Variants in MROH1 observed in about 807,000 individuals in gnomAD.
MROH1 encodes maestro heat-like repeat-containing protein family member 1.
MROH1 carries 117 observed loss-of-function variants against 116.5 expected under a neutral mutation model. That is an observed-to-expected ratio of 1.00 (90% CI 0.86 to 1.17). MROH1 has a LOEUF of 1.17. Ranked by LOEUF, MROH1 falls within the 50% of genes most tolerant of loss-of-function variation. MROH1 has a pLI of 0.00. For missense variants in MROH1, 1,873 were observed against 1,338.5 expected, an observed-to-expected ratio of 1.40 and a Z score of -6.23; for synonymous variants, 921 against 583.9, an observed-to-expected ratio of 1.58 and a Z score of -8.32.
Position 144,192,338 on chromosome 8 carries a change from G to T in MROH1, c.885G>T (p.Val295=). The T allele has an allele frequency of 6.3e-7, 1 of 1,599,224 alleles. No homozygotes were observed. The change falls in exon 10 of 44, where the codon GTG becomes GTT. Residue 295 remains valine, a synonymous_variant. Transcript: ENST00000326134. ...TGGGCCAGATCCTCGAGGCAGCTGT[G>T]AGTGTGGGCAGCCGCACACTGGAGA... ...KSLGQILEAA[V]SVGSRTLETQ...
At chr8:144,207,564 T>G (rs7460977) in intron 12 of MROH1, among the ~76,000 whole-genome samples, 150,602 of 152,286 alleles carry the variant, frequency 0.99, 74,486 homozygotes, top group East Asian at 1. Context: ...AGAGTGCAGT[T>G]CTGTGATCAT....
Position 144,241,879 on chromosome 8 carries a change from GCC to G in MROH1, c.2178+365_2178+366del, listed in dbSNP as rs1419671596. ...TAAGCCTGGTTTAAGGAAGGAGTGG[GCC>G]CCTGCTGCAGGCCCCCAACCCGGCT... On this transcript the variant is annotated intron_variant, in intron 22 of 43. Transcript: ENST00000326134. Among the ~76,000 whole-genome samples, 50 of 152,224 alleles carry G rather than the reference GCC, an allele frequency of 3.3e-4. 2 individuals are homozygous for G. Among genetic ancestry groups the G allele is most frequent in the Admixed American group, 3.1e-3 (47 of 15,286 alleles).
intron 22 of MROH1, chr8:144,242,159 G>C (rs1175361575): frequency 1.5e-6 from 1 of 645,418 alleles, no homozygotes; most frequent in Non-Finnish European, 2.8e-6. Flanking sequence ...GCCCATGCCT[G>C]GCTGGCTGCC....
chr8:144,241,178 C>A, intron 21 of MROH1, 67 bp downstream of exon 21: 1 of 714,298 alleles, frequency 1.4e-6, no homozygotes, highest in Non-Finnish European at 2.6e-6. Context: ...ACCTGCTGTT[C>A]TCTGAGGCAG....
At position 144,259,935 on chromosome 8, in the gene MROH1, G is replaced by A. The variant is rs1844684952; in HGVS notation, c.4069G>A (p.Asp1357Asn). ...AELLNSNVANDLMLLDSLLES... is the reference protein window; with the variant it reads ...AELLNSNVANNLMLLDSLLES... ...GCTGCTGAACAGCAACGTGGCCAACGACCTCATGCTCTTGGACTCGCTGCT... is the reference window on the plus strand; with the variant it reads ...GCTGCTGAACAGCAACGTGGCCAACAACCTCATGCTCTTGGACTCGCTGCT... Residue 1357 changes from aspartate (D) to asparagine (N), a missense_variant, in exon 38 of 44, where the codon GAC (aspartate) becomes AAC (asparagine). Coordinates refer to ENST00000326134, the MANE Select transcript of MROH1 (RefSeq NM_032450.3). The A allele has an allele frequency of 6.7e-6, 5 of 742,838 alleles. No individual in the cohort carries two copies. The highest frequency in any genetic ancestry group is 4.3e-5 in the South Asian group (3 of 69,670). 46.0% of individuals were successfully genotyped at this position (742,838 alleles called of 1,614,324 possible).
chr8:144,188,843 T>C (rs567348845), intron 7 of MROH1, among the ~76,000 whole-genome samples: 35 of 151,662 alleles, frequency 2.3e-4, no homozygotes, highest in African/African-American at 7.7e-4. Context: ...ACCTGGGGAG[T>C]GGGAGAGCCA....
In MROH1 at chr8:144,255,697, A is replaced by G; in HGVS notation, c.3783A>G (p.Glu1261=). 1 of 757,598 alleles carries G rather than the reference A, an allele frequency of 1.3e-6. No individual in the cohort carries two copies. The allele number at this position is 757,598 out of a possible 1,614,324, so 46.9% of individuals were successfully genotyped here. A position where few individuals can be genotyped will look rare whatever the true frequency, so the allele number is the denominator to read the frequency against. Residue 1261 remains glutamate, a synonymous_variant, in exon 35 of 44, where the codon GAA becomes GAG. Coordinates refer to ENST00000326134, the MANE Select transcript of MROH1 (RefSeq NM_032450.3). Reference sequence around the variant, plus strand: ...CAGCCCTAGCCACCAGGAACCTGGAACCCTGCAGGTATCTGGGTCCCCACT... The same window carrying G: ...CAGCCCTAGCCACCAGGAACCTGGAGCCCTGCAGGTATCTGGGTCCCCACT... The part of the protein sequence containing the change: ...ASPALATRNL[E]PCSSAVDTLR...
chr8:144,200,848 TG>T (rs1442847363), intron 12 of MROH1: 1 of 352,694 alleles, frequency 2.8e-6, no homozygotes, highest in Non-Finnish European at 5.4e-6. Flanking sequence ...CAGCCATCCC[TG>T]AGCCCACTGC....
chr8:144,220,517 A>C (rs1836483020), intron 12 of MROH1, 83 bp from the exon 13 acceptor site: 1 of 1,263,410 alleles, frequency 7.9e-7, no homozygotes, highest in Admixed American at 2.2e-5. Flanking sequence ...GACCACGGGG[A>C]AGCCAGGCCC....
rs1842627951 is a variant in MROH1 at position 144,250,209 on chromosome 8, C to T, written c.3274-3C>T. 4 of 766,304 alleles carry T rather than the reference C, an allele frequency of 5.2e-6. No individual in the cohort carries two copies. Among genetic ancestry groups the T allele is most frequent in the South Asian group, 4.1e-5 (3 of 73,696 alleles). The allele number at this position is 766,304 out of a possible 1,614,324, so 47.5% of individuals were successfully genotyped here. On this transcript the variant is annotated splice_polypyrimidine_tract_variant and splice_region_variant and intron_variant, in intron 32 of 43. Transcript: ENST00000326134. Reference sequence around the variant, plus strand: ...CTGACCACCGTGTCCCGCCCATCTACAGGTGCCCGAGATCGTGAGCGTCCT... The same window carrying T: ...CTGACCACCGTGTCCCGCCCATCTATAGGTGCCCGAGATCGTGAGCGTCCT...
At chr8:144,179,686 G>T in intron 5 of MROH1, 100 bp downstream of exon 5, 4 of 1,452,806 alleles carry the variant, frequency 2.8e-6, no homozygotes, top group Non-Finnish European at 2.8e-6. Context: ...GTATAGGGTG[G>T]TGTTTGGCTG....
At chr8:144,189,415 C>T (rs577661415) in intron 7 of MROH1, among the ~76,000 whole-genome samples, 32 of 152,332 alleles carry the variant, frequency 2.1e-4, no homozygotes, top group Admixed American at 1.3e-4. Flanking sequence ...CCCCTTCACC[C>T]GGGGCCCAGC....
chr8:144,167,313 G>C (rs1201195166), intron 3 of MROH1, among the ~76,000 whole-genome samples: 1 of 145,058 alleles, frequency 6.9e-6, no homozygotes, highest in South Asian at 2.3e-4. Flanking sequence ...CGGTTGTTGG[G>C]TAGAGTGGCC....
rs753335070 is a variant in MROH1, at chr8:144,168,456, G to C, written c.168+16G>C. ...GCATGACAAGGTATGTGTGCTCCTTGGTGGGGATGATGTTGTCAGGGCCAT... is the reference window on the plus strand; with the variant it reads ...GCATGACAAGGTATGTGTGCTCCTTCGTGGGGATGATGTTGTCAGGGCCAT... On this transcript the variant is annotated intron_variant, in intron 4 of 43. Coordinates refer to ENST00000326134, the MANE Select transcript of MROH1 (RefSeq NM_032450.3). 6.3e-6 allele frequency: 10 copies of C among 1,591,356 alleles called. No homozygotes were observed. In the Admixed American group the frequency reaches 1.7e-4, roughly 28 times the overall value.
In MROH1 at chr8:144,244,535, T is replaced by C. The variant is rs966519018; in HGVS notation, c.2762T>C (p.Ile921Thr). 2 of 761,912 alleles carry C rather than the reference T, an allele frequency of 2.6e-6. No individual in the cohort carries two copies. Among genetic ancestry groups the C allele is most frequent in the African/African-American group, 1.7e-5 (1 of 58,658 alleles). 47.2% of individuals were successfully genotyped at this position (761,912 alleles called of 1,614,324 possible). ...NMTPQGLQIM[I>T]EHLSPWIKSP... ...ACCCCCCAAGGCCTGCAGATCATGA[T>C]TGAGGTGTGCAGGGGGGAACTGTCA... Residue 921 changes from isoleucine to threonine, a missense_variant, in exon 28 of 44, where the codon ATT (isoleucine) becomes ACT (threonine). Coordinates refer to ENST00000326134, the MANE Select transcript of MROH1 (RefSeq NM_032450.3).
chr8:144,206,943 G>C (rs957639886), intron 12 of MROH1, among the ~76,000 whole-genome samples: 15 of 150,928 alleles, frequency 9.9e-5, no homozygotes, highest in African/African-American at 3.6e-4. Context: ...TGAGGCAGGA[G>C]AATTGCTTGA....
At position 144,216,713 on chromosome 8, in the gene MROH1, G is replaced by A. The variant is rs144314446; in HGVS notation, c.1142-3887G>A. Among the ~76,000 whole-genome samples the A allele has an allele frequency of 9.6e-3, 1,382 of 143,350 alleles. 21 individuals carry two copies. Among genetic ancestry groups the A allele is most frequent in the African/African-American group, 0.036 (1,310 of 36,612 alleles). The allele number at this position is 143,350 out of a possible 152,430, so 94.0% of individuals were successfully genotyped here. A position where few individuals can be genotyped will look rare whatever the true frequency, so the allele number is the denominator to read the frequency against. On this transcript the variant is annotated intron_variant, in intron 12 of 43. Coordinates refer to ENST00000326134, the MANE Select transcript of MROH1 (RefSeq NM_032450.3). Reference sequence around the variant, plus strand: ...TTTTTTTTTTTTTTTTTTTTGAAATGGAGTCTTGCTGTGTCGCCCAGGCTA... The same window carrying A: ...TTTTTTTTTTTTTTTTTTTTGAAATAGAGTCTTGCTGTGTCGCCCAGGCTA...
At chr8:144,238,608 G>C (rs1289193489) in intron 14 of MROH1, 148 bp from the exon 15 acceptor site, 11 of 651,948 alleles carry the variant, frequency 1.7e-5, no homozygotes, top group Non-Finnish European at 2.5e-5. Context: ...TCTTAGCGGA[G>C]AGTGCCTTTC....
At chr8:144,215,922 C>G (rs1481276539) in intron 12 of MROH1, among the ~76,000 whole-genome samples, 1 of 150,964 alleles carries the variant, frequency 6.6e-6, no homozygotes, top group Admixed American at 6.6e-5. Flanking sequence ...TGCGGTGGCT[C>G]ACGCCTGTAA....
Sources: allele counts gnomAD v4.1 joint callset (sites outside exome capture counted in the v4.1 genomes callset), GRCh38; gene constraint gnomAD v4.1.1; transcripts MANE v1.5; gene names NCBI Gene and HGNC (gene_info 2026-07-23, HGNC 2026-07-21).